TMEM181: variants seen among roughly 807,000 people sequenced by gnomAD.
TMEM181 encodes G protein-coupled receptor 178.
In TMEM181, 39 loss-of-function variants were observed where a neutral mutation model predicts 71.9. The observed-to-expected ratio is 0.54, with a 90% CI of 0.42 to 0.71. The LOEUF (loss-of-function observed/expected upper bound fraction) is 0.71. Ranked by LOEUF, TMEM181 falls within the 30% of genes least tolerant of loss-of-function variation. The pLI is 0.00. For missense variants in TMEM181, 595 were observed against 583.0 expected, an observed-to-expected ratio of 1.02 and a Z score of -0.21; for synonymous variants, 245 against 228.8, an observed-to-expected ratio of 1.07 and a Z score of -0.64.
chr6:158,631,289 T>C, intron 15 of TMEM181, 34 bp from the exon 16 acceptor site: 5 of 1,612,606 alleles, frequency 3.1e-6, no homozygotes, highest in Non-Finnish European at 4.2e-6. Flanking sequence ...TCACGTCAAT[T>C]GCTTGAGATG....
intron 6 of TMEM181, among the ~76,000 whole-genome samples, chr6:158,600,171 T>C (rs1422398652): frequency 6.6e-6 from 1 of 152,056 alleles, no homozygotes; most frequent in African/African-American, 2.4e-5. Flanking sequence ...TTTCTAGTGT[T>C]AATTTTTTGT....
At chr6:158,544,182 A>AGAGAGTGTGT (rs149735409) in intron 1 of TMEM181, among the ~76,000 whole-genome samples, 1 of 127,560 alleles carries the variant, frequency 7.8e-6, no homozygotes, top group African/African-American at 3.0e-5. Context: ...AATTGGAGAG[A>AGAGAGTGTGT]GTGTGTGTGT....
intron 1 of TMEM181, among the ~76,000 whole-genome samples, chr6:158,569,271 A>G (rs1289702452): frequency 6.6e-6 from 1 of 152,264 alleles, no homozygotes; most frequent in African/African-American, 2.4e-5. Flanking sequence ...AGAGGGTCCC[A>G]GGACCCTAGG....
intron 7 of TMEM181, 65 bp from the exon 8 acceptor site, chr6:158,607,179 G>C: frequency 6.7e-6 from 9 of 1,343,342 alleles, no homozygotes; most frequent in Non-Finnish European, 8.6e-6. Flanking sequence ...CCGGCAAGGT[G>C]TGAGCAAAGG....
At chr6:158,587,467 A>T (rs908878840) in intron 5 of TMEM181, among the ~76,000 whole-genome samples, 1 of 151,492 alleles carries the variant, frequency 6.6e-6, no homozygotes, top group East Asian at 1.9e-4. Context: ...GAATTTTTAC[A>T]TTACAGAGAT....
Position 158,607,348 on chromosome 6 carries a change from G to GT in TMEM181, c.673+6dup. On this transcript the variant is annotated splice_donor_region_variant and intron_variant, in intron 8 of 16. Coordinates refer to ENST00000684151, the MANE Select transcript of TMEM181 (RefSeq NM_001376852.1). ...CTCTGCTGCTACTTTACAATGGTGG[G>GT]TAGTTCCATTTTTACTTAGGAACTT... 1.2e-6 allele frequency: 2 copies of GT among 1,613,248 alleles called. No individual in the cohort carries two copies. The highest frequency in any genetic ancestry group is 1.7e-6 in the Non-Finnish European group (2 of 1,179,152).
chr6:158,633,675 TAATGA>T lies in TMEM181; in HGVS notation c.*1788_*1792del, dbSNP rs1251385371. 2 of 152,244 alleles carry T rather than the reference TAATGA, an allele frequency of 1.3e-5. No homozygotes were observed. The highest frequency in any genetic ancestry group is 2.9e-5 in the Non-Finnish European group (2 of 68,038). 9.4% of individuals were successfully genotyped at this position (152,244 alleles called of 1,614,324 possible). A position where few individuals can be genotyped will look rare whatever the true frequency, so the allele number is the denominator to read the frequency against. On this transcript the variant is annotated 3_prime_UTR_variant, in exon 17 of 17. Transcript: ENST00000684151. ...GTATCTTTCCTTTTAATTTAAACTTTAATGATAATGTACTTTTAATATGGATTCTA... is the reference window on the plus strand; with the variant it reads ...GTATCTTTCCTTTTAATTTAAACTTTTAATGTACTTTTAATATGGATTCTA...
intron 6 of TMEM181, among the ~76,000 whole-genome samples, chr6:158,594,120 T>TTTC (rs1554309324): frequency 2.9e-5 from 4 of 139,694 alleles, no homozygotes; most frequent in African/African-American, 5.5e-5. Flanking sequence ...TTTTTTTTTT[T>TTTC]CTGAGACAGA....
At chr6:158,595,298 A>G (rs529185679) in intron 6 of TMEM181, among the ~76,000 whole-genome samples, 2 of 152,370 alleles carry the variant, frequency 1.3e-5, no homozygotes, top group African/African-American at 2.4e-5. Context: ...TAAACAAGCT[A>G]TAATGAATAG....
At chr6:158,586,770 G>A (rs972558846) in intron 5 of TMEM181, among the ~76,000 whole-genome samples, 2 of 152,316 alleles carry the variant, frequency 1.3e-5, no homozygotes, top group Non-Finnish European at 2.9e-5. Flanking sequence ...GGATGAGTCA[G>A]CTTCCAAAGT....
chr6:158,572,006 C>T (rs1278688954), intron 1 of TMEM181, among the ~76,000 whole-genome samples: 2 of 152,232 alleles, frequency 1.3e-5, no homozygotes, highest in Admixed American at 6.5e-5. Context: ...AGTGTTTGCA[C>T]TGAGTCCCGG....
At chr6:158,562,885 T>G (rs1782267848) in intron 1 of TMEM181, among the ~76,000 whole-genome samples, 1 of 152,204 alleles carries the variant, frequency 6.6e-6, no homozygotes, top group African/African-American at 2.4e-5. Flanking sequence ...AGGAAGTTTC[T>G]CTTTTCCCCA....
At position 158,613,432 on chromosome 6, in the gene TMEM181, T is replaced by G. The variant is rs76381940; in HGVS notation, c.896+4682T>G. On this transcript the variant is annotated intron_variant, in intron 10 of 16. Coordinates refer to ENST00000684151, the MANE Select transcript of TMEM181 (RefSeq NM_001376852.1). ...CCATAGAAGGAATCAGATAAGACTT[T>G]CCAAAGCCAAACCCAGCCATGGATT... is the stretch of plus-strand genomic sequence containing the variant. Among the ~76,000 whole-genome samples, 326 of 152,358 alleles carry G rather than the reference T, an allele frequency of 2.1e-3. 7 individuals carry two copies. In the East Asian group the frequency reaches 0.053, roughly 25 times the overall value.
In TMEM181 at chr6:158,607,341, A is replaced by G; in HGVS notation, c.671A>G (p.Asn224Ser). 2 of 1,613,638 alleles carry G rather than the reference A, an allele frequency of 1.2e-6. No homozygotes were observed. The highest frequency in any genetic ancestry group is 1.7e-6 in the Non-Finnish European group (2 of 1,179,568). Reference sequence around the variant, plus strand: ...CTCCTGCCTCTGCTGCTACTTTACAATGGTGGGTAGTTCCATTTTTACTTA... The same window carrying G: ...CTCCTGCCTCTGCTGCTACTTTACAGTGGTGGGTAGTTCCATTTTTACTTA... Reference protein sequence around the residue: ...SVLLPLLLLYNDPFFPLSFLV... With the variant: ...SVLLPLLLLYSDPFFPLSFLV... The change falls in exon 8 of 17, where the codon AAT becomes AGT. Residue 224 changes from asparagine to serine, a missense_variant and splice_region_variant. Asn to Ser is a conservative substitution (Grantham distance 46). Coordinates refer to ENST00000684151, the MANE Select transcript of TMEM181 (RefSeq NM_001376852.1).
intron 6 of TMEM181, among the ~76,000 whole-genome samples, chr6:158,603,532 AT>A (rs1784784052): frequency 6.7e-6 from 1 of 149,050 alleles, no homozygotes; most frequent in African/African-American, 2.5e-5. Flanking sequence ...GGACCCCTGT[AT>A]TAGGCCACTT....
At chr6:158,601,133 G>A (rs1264553847) in intron 6 of TMEM181, among the ~76,000 whole-genome samples, 1 of 152,138 alleles carries the variant, frequency 6.6e-6, no homozygotes, top group Non-Finnish European at 1.5e-5. Context: ...AAATTTAAAT[G>A]CTGTAGCAAT....
At chr6:158,621,092 C>G (rs540306787) in intron 10 of TMEM181, among the ~76,000 whole-genome samples, 2 of 152,222 alleles carry the variant, frequency 1.3e-5, no homozygotes, top group Admixed American at 1.3e-4. Context: ...AGGCATAGCC[C>G]CCACGTCTGC....
chr6:158,607,874 A>G (rs547707517), intron 8 of TMEM181, among the ~76,000 whole-genome samples: 195 of 152,334 alleles, frequency 1.3e-3, no homozygotes, highest in Non-Finnish European at 1.9e-3. Context: ...CTACAGACAC[A>G]GCAGTCCTGG....
chr6:158,545,176 G>A (rs1165016435), intron 1 of TMEM181, among the ~76,000 whole-genome samples: 1 of 152,220 alleles, frequency 6.6e-6, no homozygotes, highest in Non-Finnish European at 1.5e-5. Flanking sequence ...CAGCGTTCCC[G>A]CTACACCCCG....
Sources: gnomAD v4.1 joint callset for allele counts (sites outside exome capture counted in the v4.1 genomes callset) on GRCh38, gnomAD v4.1.1 for gene constraint, MANE v1.5 for transcripts, NCBI Gene and HGNC (gene_info 2026-07-23, HGNC 2026-07-21) for gene names.